The following XKR9 variants were observed in gnomAD, a reference collection of about 807,000 sequenced individuals.
XKR9 encodes XK related 9.
A neutral mutation model predicts 32.0 loss-of-function variants in XKR9; 32 were observed. That is an observed-to-expected ratio of 1.00 (90% CI 0.76 to 1.34). XKR9 has a LOEUF of 1.34. XKR9 is among the 40% of genes most tolerant of loss of function. XKR9 has a pLI of 0.00. For synonymous variants in XKR9, 168 were observed against 143.4 expected, an observed-to-expected ratio of 1.17 and a Z score of -1.22; for missense variants, 546 against 429.7, an observed-to-expected ratio of 1.27 and a Z score of -2.39.
chr8:70,688,573 C>T (rs1315452905), intron 3 of XKR9, among the ~76,000 whole-genome samples: 2 of 152,090 alleles, frequency 1.3e-5, no homozygotes, highest in African/African-American at 4.8e-5. Flanking sequence ...CCCGCCACCA[C>T]GCCTGGCTAA....
intron 4 of XKR9, among the ~76,000 whole-genome samples, chr8:70,730,060 T>A (rs941902005): frequency 2.6e-5 from 4 of 152,170 alleles, no homozygotes; most frequent in Admixed American, 6.5e-5. Context: ...AAAAAATATA[T>A]TTTTTAAGGC....
the XKR9 span, among the ~76,000 whole-genome samples, chr8:70,953,564 G>C: frequency 6.6e-6 from 1 of 152,058 alleles, no homozygotes; most frequent in South Asian, 2.1e-4. Context: ...CTCCTGCCTT[G>C]GCCTCCCAAA....
At chr8:70,813,054 T>C in the XKR9 span, among the ~76,000 whole-genome samples, 1 of 152,132 alleles carries the variant, frequency 6.6e-6, no homozygotes, top group Non-Finnish European at 1.5e-5. Context: ...ACTACAAGGC[T>C]ACAGTAACCA....
At chr8:70,674,407 G>T (rs1218319886) in intron 1 of XKR9, among the ~76,000 whole-genome samples, 1 of 152,126 alleles carries the variant, frequency 6.6e-6, no homozygotes, top group East Asian at 1.9e-4. Flanking sequence ...GCTTATTTTG[G>T]GAATACAGAC....
chr8:70,813,083 A>T, the XKR9 span, among the ~76,000 whole-genome samples: 17 of 152,316 alleles, frequency 1.1e-4, no homozygotes, highest in East Asian at 1.2e-3. Flanking sequence ...TGGTACTGGT[A>T]CCAAAACAGA....
chr8:71,044,100 G>C, the XKR9 span, among the ~76,000 whole-genome samples: 1 of 152,196 alleles, frequency 6.6e-6, no homozygotes, highest in Non-Finnish European at 1.5e-5. Context: ...GGAAACTATT[G>C]TTAAAGCTAT....
At chr8:70,763,239 A>T (rs1202233500) in intron 2 of XKR9, among the ~76,000 whole-genome samples, 4 of 152,306 alleles carry the variant, frequency 2.6e-5, no homozygotes, top group African/African-American at 9.6e-5. Flanking sequence ...GTAGAATGTG[A>T]TTCACTCTAC....
chr8:70,878,318 A>T, the XKR9 span, among the ~76,000 whole-genome samples: 1 of 152,200 alleles, frequency 6.6e-6, no homozygotes, highest in Non-Finnish European at 1.5e-5. Context: ...TTAACCTTAA[A>T]TGTAAATGTG....
the XKR9 span, among the ~76,000 whole-genome samples, chr8:70,894,168 G>T: frequency 2.0e-5 from 3 of 151,878 alleles, no homozygotes; most frequent in African/African-American, 4.8e-5. Context: ...TGGGTACCAG[G>T]GGATGAGTCA....
At chr8:71,022,009 T>A in the XKR9 span, among the ~76,000 whole-genome samples, 1 of 152,234 alleles carries the variant, frequency 6.6e-6, no homozygotes, top group Non-Finnish European at 1.5e-5. Flanking sequence ...TTAATCTGTA[T>A]AGATGGTGAA....
At chr8:71,064,355 G>C in the XKR9 span, among the ~76,000 whole-genome samples, 1 of 151,950 alleles carries the variant, frequency 6.6e-6, no homozygotes, top group Admixed American at 6.6e-5. Context: ...ATGTTATAAA[G>C]TTTTTTTAAC....
At chr8:70,676,948 A>C (rs1483928163) in intron 2 of XKR9, among the ~76,000 whole-genome samples, 4 of 152,168 alleles carry the variant, frequency 2.6e-5, no homozygotes, top group African/African-American at 9.7e-5. Flanking sequence ...TAAGAAATGC[A>C]CATATGGAAT....
At chr8:70,768,037 C>T (rs901159166) in intron 2 of XKR9, among the ~76,000 whole-genome samples, 2 of 152,144 alleles carry the variant, frequency 1.3e-5, no homozygotes, top group African/African-American at 2.4e-5. Context: ...TTAGATCTTT[C>T]CTGCTTTCTG....
chr8:70,767,496 C>CTTTTTTTTTTTTTT (rs34400671), intron 2 of XKR9, among the ~76,000 whole-genome samples: 3 of 99,350 alleles, frequency 3.0e-5, no homozygotes, highest in African/African-American at 4.0e-5. Context: ...TCTTTTCCTT[C>CTTTTTTTTTTTTTT]TTTTTTTTTT....
At chr8:71,018,931 A>G in the XKR9 span, among the ~76,000 whole-genome samples, 576 of 152,336 alleles carry the variant, frequency 3.8e-3, 4 homozygotes, top group African/African-American at 0.013. Flanking sequence ...AACACAACAT[A>G]AAATTACATG....
At chr8:70,791,340 T>C (rs550183974), downstream of XKR9, among the ~76,000 whole-genome samples, 3 of 151,946 alleles carry the variant, frequency 2.0e-5, no homozygotes, top group East Asian at 5.8e-4. Context: ...GGTCTTTCAA[T>C]CAATGGCATA....
the XKR9 span, among the ~76,000 whole-genome samples, chr8:70,903,197 G>A: frequency 6.6e-6 from 1 of 152,032 alleles, no homozygotes; most frequent in Admixed American, 6.6e-5. Flanking sequence ...ACTGATTGGT[G>A]TAGTTTCAGA....
intron 2 of XKR9, among the ~76,000 whole-genome samples, chr8:70,759,190 T>C (rs1466603573): frequency 6.6e-6 from 1 of 152,246 alleles, no homozygotes; most frequent in Non-Finnish European, 1.5e-5. Context: ...TCTTGCCAAA[T>C]GTTTTCTATT....
At chr8:70,769,841 AC>A (rs1361244475) in intron 2 of XKR9, among the ~76,000 whole-genome samples, 1 of 151,810 alleles carries the variant, frequency 6.6e-6, no homozygotes, top group African/African-American at 2.4e-5. Context: ...ATTTCCTGTA[AC>A]CTTTTATCAA....
Sources: gnomAD v4.1 joint callset for allele counts (sites outside exome capture counted in the v4.1 genomes callset) on GRCh38, gnomAD v4.1.1 for gene constraint, MANE v1.5 for transcripts, NCBI Gene and HGNC (gene_info 2026-07-23, HGNC 2026-07-21) for gene names.